GNB1: variants seen among roughly 807,000 people sequenced by gnomAD.
GNB1 encodes guanine nucleotide-binding protein G(I)/G(S)/G(T) subunit beta-1.
Under a neutral mutation model 42.9 loss-of-function variants are expected in GNB1, and 2 were observed. That is an observed-to-expected ratio of 0.05 (90% CI 0.02 to 0.15). GNB1 has a LOEUF of 0.15. Ranked by LOEUF, GNB1 falls within the 10% of genes least tolerant of loss-of-function variation. GNB1 has a pLI of 1.00. For missense variants in GNB1, 193 were observed against 462.2 expected (o/e 0.42, Z 5.34); for synonymous variants, 183 against 174.7 (o/e 1.05, Z -0.38).
At chr1:1,848,356 G>GTAAAA (rs1557925548) in intron 1 of GNB1, among the ~76,000 whole-genome samples, 3 of 87,074 alleles carry the variant, frequency 3.4e-5, no homozygotes, top group East Asian at 7.6e-4. Context: ...TCCAGCCCAG[G>GTAAAA]CAAAAAAAAA....
intron 1 of GNB1, among the ~76,000 whole-genome samples, chr1:1,868,146 T>C (rs893588317): frequency 6.6e-6 from 1 of 152,192 alleles, no homozygotes; most frequent in Non-Finnish European, 1.5e-5. Flanking sequence ...ATAATGCATC[T>C]AAAGGTTCCT....
chr1:1,863,725 A>T (rs1648759215), intron 1 of GNB1, among the ~76,000 whole-genome samples: 1 of 152,224 alleles, frequency 6.6e-6, no homozygotes, highest in South Asian at 2.1e-4. Context: ...TTCAGATATC[A>T]CACACAGTAA....
intron 1 of GNB1, among the ~76,000 whole-genome samples, chr1:1,878,803 C>G (rs1400941126): frequency 1.3e-5 from 2 of 152,138 alleles, no homozygotes; most frequent in South Asian, 4.1e-4. Flanking sequence ...CAGACAGAGC[C>G]TCCCCTAGCC....
chr1:1,828,006 G>A (rs1381863001), intron 2 of GNB1, among the ~76,000 whole-genome samples: 6 of 152,052 alleles, frequency 3.9e-5, no homozygotes, highest in Non-Finnish European at 4.4e-5. Context: ...AAAGAGAAAC[G>A]CATGTTCTGA....
At chr1:1,877,792 G>A (rs562109225) in intron 1 of GNB1, among the ~76,000 whole-genome samples, 3 of 152,284 alleles carry the variant, frequency 2.0e-5, no homozygotes, top group East Asian at 3.9e-4. Flanking sequence ...AGTTTAAAGA[G>A]AGAAAAACAA....
chr1:1,861,909 C>A (rs187212881), intron 1 of GNB1, among the ~76,000 whole-genome samples: 3 of 152,116 alleles, frequency 2.0e-5, no homozygotes, highest in Non-Finnish European at 2.9e-5. Context: ...ACTCTTTAAA[C>A]CTCAAGGGAG....
chr1:1,835,246 CG>C (rs1647129739), intron 2 of GNB1, among the ~76,000 whole-genome samples: 1 of 152,176 alleles, frequency 6.6e-6, no homozygotes, highest in African/African-American at 2.4e-5. Context: ...AGCAGAGTGA[CG>C]CTTCATGGCA....
chr1:1,860,025 G>A (rs1478618810), intron 1 of GNB1, among the ~76,000 whole-genome samples: 1 of 152,022 alleles, frequency 6.6e-6, no homozygotes, highest in Non-Finnish European at 1.5e-5. Flanking sequence ...CCTGCACGTT[G>A]TGCACATGTA....
Position 1,817,948 on chromosome 1 carries a change from T to C in GNB1, c.58-73A>G, listed in dbSNP as rs1646879142. On this transcript the variant is annotated intron_variant, in intron 3 of 11. Coordinates refer to ENST00000378609, the MANE Select transcript of GNB1 (RefSeq NM_002074.5). The stretch of plus-strand genomic sequence containing the variant: ...AATCTCAGGTCCACACATACCAAAG[T>C]TTCAAAGAGAGCTTTCCTAAGCTGT... 5.1e-6 allele frequency: 6 copies of C among 1,165,824 alleles called. No homozygotes were observed. In the Admixed American group the frequency reaches 8.5e-5, roughly 17 times the overall value. The allele number at this position is 1,165,824 out of a possible 1,614,324, so 72.2% of individuals were successfully genotyped here.
chr1:1,880,718 A>G (rs1570757100), intron 1 of GNB1, among the ~76,000 whole-genome samples: 2 of 152,262 alleles, frequency 1.3e-5, no homozygotes, highest in South Asian at 2.1e-4. Context: ...ACTGCTCCCC[A>G]AGACTTCAAT....
At chr1:1,845,587 TAAAATA>T (rs1647601699) in intron 1 of GNB1, among the ~76,000 whole-genome samples, 1 of 151,380 alleles carries the variant, frequency 6.6e-6, no homozygotes, top group Admixed American at 6.6e-5. Context: ...AAAATAATAA[TAAAATA>T]AAATAAAAAT....
At chr1:1,834,392 T>C (rs924528346) in intron 2 of GNB1, among the ~76,000 whole-genome samples, 4 of 152,192 alleles carry the variant, frequency 2.6e-5, no homozygotes, top group African/African-American at 4.8e-5. Flanking sequence ...TTTCTAACCC[T>C]GTTAGCCTAT....
At chr1:1,806,649 G>A (rs1232215597) in intron 5 of GNB1, 111 bp from the exon 6 acceptor site, 5 of 651,382 alleles carry the variant, frequency 7.7e-6, no homozygotes, top group South Asian at 4.5e-5. Context: ...CATGTTACAT[G>A]TGCTTCAGAC....
intron 1 of GNB1, among the ~76,000 whole-genome samples, chr1:1,851,621 C>T (rs757218482): frequency 7.2e-5 from 11 of 152,070 alleles, no homozygotes; most frequent in African/African-American, 9.7e-5. Flanking sequence ...TCACTACTCA[C>T]ACCTAGAGGA....
Position 1,888,903 on chromosome 1 carries a change from T to C in GNB1, c.-96+1917A>G, listed in dbSNP as rs561109416. On this transcript the variant is annotated intron_variant, in intron 1 of 11. Transcript: ENST00000378609. ...CAAAACCCACCATTCAGTCCTACCC[T>C]GGGGAGGCTCTCAGACCTGTCTCCA... 2.6e-5 allele frequency among the ~76,000 whole-genome samples: 4 copies of C among 152,294 alleles called. No individual in the cohort carries two copies. The South Asian group carries it at 8.3e-4, about 32-fold the overall frequency.
In GNB1 at chr1:1,890,892, G is replaced by C. The variant is rs897027245; in HGVS notation, c.-168C>G. On this transcript the variant is annotated 5_prime_UTR_variant, in exon 1 of 12. Coordinates refer to ENST00000378609, the MANE Select transcript of GNB1 (RefSeq NM_002074.5). ...CGCCGCTCGGCAGGTCGTCGCGCTC[G>C]GGCCGCGCTGCGCGCTCCGCGGGCG... 4 of 147,024 alleles carry C rather than the reference G, an allele frequency of 2.7e-5. No homozygotes were observed. Among genetic ancestry groups the C allele is most frequent in the African/African-American group, 9.8e-5 (4 of 40,788 alleles). 9.1% of individuals were successfully genotyped at this position (147,024 alleles called of 1,614,324 possible).
At chr1:1,884,873 C>T (rs541524356) in intron 1 of GNB1, among the ~76,000 whole-genome samples, 2 of 151,484 alleles carry the variant, frequency 1.3e-5, no homozygotes, top group East Asian at 4.0e-4. Context: ...TTAGCAGAGA[C>T]AGGGTTTCAC....
intron 1 of GNB1, among the ~76,000 whole-genome samples, chr1:1,854,451 CTTAAA>C (rs1319676922): frequency 1.3e-5 from 2 of 152,160 alleles, no homozygotes; most frequent in Non-Finnish European, 2.9e-5. Flanking sequence ...CTATCCTTCT[CTTAAA>C]TTAAACTCTG....
At chr1:1,842,922 C>T (rs891167001) in intron 1 of GNB1, among the ~76,000 whole-genome samples, 1 of 152,182 alleles carries the variant, frequency 6.6e-6, no homozygotes, top group Admixed American at 6.5e-5. Flanking sequence ...CCGAAAAGTG[C>T]CACCAAATCA....
Sources: allele counts gnomAD v4.1 joint callset (sites outside exome capture counted in the v4.1 genomes callset), GRCh38; gene constraint gnomAD v4.1.1; transcripts MANE v1.5; gene names NCBI Gene and HGNC (gene_info 2026-07-23, HGNC 2026-07-21).